Variants in GABRG3 observed in about 807,000 individuals in gnomAD.
GABRG3 encodes the protein gamma-aminobutyric acid type A receptor subunit gamma3, also known as gamma-aminobutyric acid receptor subunit gamma-3.
Under a neutral mutation model 48.8 loss-of-function variants are expected in GABRG3, and 25 were observed. The ratio of observed to expected loss-of-function variants is 0.51; its 90% CI spans 0.37 to 0.72. The LOEUF is 0.72. Among genes scored for constraint, GABRG3 ranks in the 30% least tolerant of loss-of-function variants. The pLI is 0.00. For missense variants in GABRG3, 394 were observed against 577.9 expected (o/e 0.68, Z 3.26); for synonymous variants, 227 against 217.6 (o/e 1.04, Z -0.38).
chr15:27,222,294 G>A (rs1223279178), intron 3 of GABRG3, among the ~76,000 whole-genome samples: 10 of 152,212 alleles, frequency 6.6e-5, no homozygotes, highest in Non-Finnish European at 1.2e-4. Flanking sequence ...AGGCAGCAGT[G>A]CACCCACATG....
rs1050703100 is a variant in GABRG3 at position 27,306,439 on chromosome 15, A to C, written c.271-20370A>C. Among the ~76,000 whole-genome samples, 130 of 140,694 alleles carry C rather than the reference A, an allele frequency of 9.2e-4. 5 individuals carry two copies. The highest frequency in any genetic ancestry group is 3.2e-3 in the African/African-American group (124 of 38,582). 92.3% of individuals were successfully genotyped at this position (140,694 alleles called of 152,430 possible). On this transcript the variant is annotated intron_variant, in intron 3 of 9. Coordinates refer to ENST00000615808, the MANE Select transcript of GABRG3 (RefSeq NM_033223.5). ...TGTCTACATGTAAACATATAATACG[A>C]ACATATGTCTACATATAAACATAAA...
At chr15:27,355,929 A>G (rs1894821947) in intron 5 of GABRG3, among the ~76,000 whole-genome samples, 1 of 152,218 alleles carries the variant, frequency 6.6e-6, no homozygotes, top group Admixed American at 6.5e-5. Flanking sequence ...AGAGAAAAAA[A>G]GTATATTAGT....
At position 27,009,008 on chromosome 15, in the gene GABRG3, G is replaced by A. The variant is rs890521160; in HGVS notation, c.203-17746G>A. ...GGACGGGGCGAGGATGTAGAGCAAG[G>A]AGAGGGAAGAAAGTGCAGGGGACAG... On this transcript the variant is annotated intron_variant, in intron 2 of 9. Transcript: ENST00000615808. 5.9e-5 allele frequency among the ~76,000 whole-genome samples: 9 copies of A among 152,188 alleles called. 1 individual carries two copies. Among genetic ancestry groups the A allele is most frequent in the Admixed American group, 5.9e-4 (9 of 15,270 alleles).
chr15:27,287,571 A>G (rs569006567), intron 3 of GABRG3, among the ~76,000 whole-genome samples: 18 of 152,276 alleles, frequency 1.2e-4, no homozygotes, highest in Admixed American at 7.8e-4. Flanking sequence ...TACCATTTTA[A>G]CTAAATATTT....
chr15:27,071,807 A>G (rs1170255800), intron 3 of GABRG3, among the ~76,000 whole-genome samples: 1 of 152,248 alleles, frequency 6.6e-6, no homozygotes, highest in African/African-American at 2.4e-5. Flanking sequence ...CTTAAAGTGT[A>G]TCTTAAGCTT....
In GABRG3 at chr15:27,392,563, G is replaced by A. The variant is rs554335599; in HGVS notation, c.574+63675G>A. Among the ~76,000 whole-genome samples, 34 of 152,286 alleles carry A rather than the reference G, an allele frequency of 2.2e-4. No homozygotes were observed. In the South Asian group the frequency reaches 6.2e-3, roughly 28 times the overall value. ...ACCTGGCTGAGGTGGTGTCTGCCAC[G>A]TTGCTTCCCTGTAAAGTTATTCCCT... On this transcript the variant is annotated intron_variant, in intron 5 of 9. Coordinates refer to ENST00000615808, the MANE Select transcript of GABRG3 (RefSeq NM_033223.5).
rs148457142 is a variant in GABRG3, at chr15:27,195,201, C to T, written c.271-131608C>T. On this transcript the variant is annotated intron_variant, in intron 3 of 9. Coordinates refer to ENST00000615808, the MANE Select transcript of GABRG3 (RefSeq NM_033223.5). The stretch of plus-strand genomic sequence containing the variant: ...TGACAACTGCTTTAAAATCCTTGTC[C>T]GACAATTTCAGCATCTGTATCATCT... Among the ~76,000 whole-genome samples, 27 of 152,276 alleles carry T rather than the reference C, an allele frequency of 1.8e-4. No individual in the cohort carries two copies. The East Asian group carries it at 4.0e-3, about 23-fold the overall frequency.
chr15:26,991,232 T>C (rs1471860315), intron 2 of GABRG3, among the ~76,000 whole-genome samples: 6 of 152,200 alleles, frequency 3.9e-5, no homozygotes, highest in Non-Finnish European at 7.3e-5. Flanking sequence ...TCACTGTAGG[T>C]GTATGGATTT....
intron 3 of GABRG3, among the ~76,000 whole-genome samples, chr15:27,057,912 C>T (rs946378126): frequency 6.6e-6 from 1 of 152,210 alleles, no homozygotes; most frequent in South Asian, 2.1e-4. Flanking sequence ...CATTGCAACT[C>T]GAGAGGATGT....
chr15:26,984,040 C>T (rs573633702), intron 2 of GABRG3, among the ~76,000 whole-genome samples: 11 of 152,226 alleles, frequency 7.2e-5, no homozygotes, highest in Admixed American at 3.9e-4. Flanking sequence ...TCCCTCATTT[C>T]GTGTCCCTTC....
intron 3 of GABRG3, among the ~76,000 whole-genome samples, chr15:27,282,067 G>C (rs1237500153): frequency 6.6e-6 from 1 of 152,028 alleles, no homozygotes; most frequent in South Asian, 2.1e-4. Flanking sequence ...TCTGGCCTTC[G>C]TGTTTCTGAT....
intron 3 of GABRG3, among the ~76,000 whole-genome samples, chr15:27,240,239 C>T (rs1001322321): frequency 6.6e-6 from 1 of 152,132 alleles, no homozygotes; most frequent in Non-Finnish European, 1.5e-5. Flanking sequence ...CATTATCTTG[C>T]TATAGTGAAA....
At chr15:27,080,964 G>A (rs1219642646) in intron 3 of GABRG3, among the ~76,000 whole-genome samples, 8 of 152,272 alleles carry the variant, frequency 5.3e-5, no homozygotes, top group Admixed American at 3.9e-4. Context: ...TGGGGAGGGG[G>A]ACAGAGACCT....
At chr15:27,247,981 A>G (rs930787494) in intron 3 of GABRG3, among the ~76,000 whole-genome samples, 2 of 152,232 alleles carry the variant, frequency 1.3e-5, no homozygotes, top group Admixed American at 1.3e-4. Context: ...ACGCATGACT[A>G]CACATAAGTA....
chr15:27,527,986 C>T lies in GABRG3; in HGVS notation c.1116C>T (p.Ala372=), dbSNP rs1289091943. 1 of 1,596,410 alleles carries T rather than the reference C, an allele frequency of 6.3e-7. No homozygotes were observed. The highest frequency in any genetic ancestry group is 8.5e-7 in the Non-Finnish European group (1 of 1,169,728). ...RWIPERISLQ[A]PSNYSLLDMR... ...TTCCTGAGCGAATAAGCCTACAAGC[C>T]CCTTCCGTACGTATAGCATTGCAGG... Residue 372 remains alanine (A), a synonymous_variant, in exon 9 of 10, where the codon GCC becomes GCT. Coordinates refer to ENST00000615808, the MANE Select transcript of GABRG3 (RefSeq NM_033223.5).
chr15:27,517,124 C>T (rs1023981965), intron 6 of GABRG3, among the ~76,000 whole-genome samples: 7 of 89,620 alleles, frequency 7.8e-5, no homozygotes, highest in East Asian at 3.6e-4. Context: ...TGACTAGTGC[C>T]GCCTCTATCA....
intron 5 of GABRG3, chr15:27,366,475 C>A (rs1046646878): frequency 2.6e-5 from 4 of 152,180 alleles, no homozygotes; most frequent in African/African-American, 9.7e-5. Context: ...AGGAACAGGC[C>A]TTTGATCGCC....
At chr15:27,191,976 C>T (rs1378696420) in intron 3 of GABRG3, among the ~76,000 whole-genome samples, 1 of 151,824 alleles carries the variant, frequency 6.6e-6, no homozygotes, top group East Asian at 1.9e-4. Context: ...ATTTCTCCTT[C>T]ACTTATGAAG....
At chr15:27,067,875 G>A (rs968073725) in intron 3 of GABRG3, among the ~76,000 whole-genome samples, 1 of 152,150 alleles carries the variant, frequency 6.6e-6, no homozygotes, top group Non-Finnish European at 1.5e-5. Context: ...TTTATGCCTG[G>A]ATCTGCTAGG....
Sources: allele counts gnomAD v4.1 joint callset (sites outside exome capture counted in the v4.1 genomes callset), GRCh38; gene constraint gnomAD v4.1.1; transcripts MANE v1.5; gene names NCBI Gene and HGNC (gene_info 2026-07-23, HGNC 2026-07-21).